Variants in DCLK1 observed in about 807,000 individuals in gnomAD.
DCLK1 encodes doublecortin like kinase 1, also known as serine/threonine-protein kinase DCLK1.
A neutral mutation model predicts 86.2 loss-of-function variants in DCLK1; 16 were observed. The observed-to-expected ratio is 0.19, with a 90% CI of 0.13 to 0.28. The LOEUF (loss-of-function observed/expected upper bound fraction) is 0.28. Among genes scored for constraint, DCLK1 ranks in the 10% least tolerant of loss-of-function variants. The pLI, the probability that DCLK1 is intolerant of heterozygous loss-of-function variation, is 1.00. For synonymous variants in DCLK1, 369 were observed against 370.5 expected (o/e 1.00, Z 0.05); for missense variants, 590 against 940.2 (o/e 0.63, Z 4.87).
chr13:35,935,009 G>A (rs558470591), intron 4 of DCLK1, among the ~76,000 whole-genome samples: 1 of 152,274 alleles, frequency 6.6e-6, no homozygotes, highest in Admixed American at 6.5e-5. Flanking sequence ...CAAGTAGATG[G>A]AGAAAGGCTT....
At chr13:35,872,920 A>G (rs1390077338) in intron 4 of DCLK1, among the ~76,000 whole-genome samples, 2 of 152,172 alleles carry the variant, frequency 1.3e-5, no homozygotes, top group Non-Finnish European at 2.9e-5. Flanking sequence ...ATATATTATA[A>G]TCATCTTTCT....
chr13:35,927,115 T>C (rs1876166637), intron 4 of DCLK1, among the ~76,000 whole-genome samples: 1 of 152,218 alleles, frequency 6.6e-6, no homozygotes, highest in African/African-American at 2.4e-5. Context: ...AACTAGAAAT[T>C]CCTTAAGGTT....
intron 3 of DCLK1, among the ~76,000 whole-genome samples, chr13:36,097,086 C>T (rs954490832): frequency 1.3e-5 from 2 of 152,166 alleles, no homozygotes; most frequent in African/African-American, 2.4e-5. Context: ...AGGCGATGAA[C>T]TTAGTGAATC....
intron 16 of DCLK1, among the ~76,000 whole-genome samples, chr13:35,785,139 G>C (rs1252945366): frequency 1.3e-5 from 2 of 152,104 alleles, no homozygotes; most frequent in Non-Finnish European, 2.9e-5. Flanking sequence ...CTTATGTCTT[G>C]TTTTGATATT....
chr13:36,009,776 C>G (rs903174838), intron 3 of DCLK1, among the ~76,000 whole-genome samples: 2 of 120,120 alleles, frequency 1.7e-5, no homozygotes, highest in African/African-American at 6.6e-5. Context: ...TCATTGGTAG[C>G]TTGATGGGGA....
rs866283778 is a variant in DCLK1, at chr13:35,918,067, T to C, written c.823+29291A>G. 2.7e-4 allele frequency among the ~76,000 whole-genome samples: 41 copies of C among 152,316 alleles called. 1 individual carries two copies. Among genetic ancestry groups the C allele is most frequent in the African/African-American group, 9.1e-4 (38 of 41,560 alleles). ...ACTGTTACAGTCAAATGGCAATGCT[T>C]ATTCTTAACAGGCATACTAAGATGT... On this transcript the variant is annotated intron_variant, in intron 4 of 16. Transcript: ENST00000360631.
At chr13:35,856,107 T>A (rs1004168408) in intron 5 of DCLK1, among the ~76,000 whole-genome samples, 1 of 152,338 alleles carries the variant, frequency 6.6e-6, no homozygotes, top group East Asian at 1.9e-4. Context: ...GCTGCATTAA[T>A]TTGTAGTTTT....
chr13:35,855,729 A>G, intron 5 of DCLK1: 1 of 1,375,860 alleles, frequency 7.3e-7, no homozygotes, highest in Non-Finnish European at 9.4e-7. Context: ...CAGCAGTGGG[A>G]GGTGCAGGTT....
intron 4 of DCLK1, among the ~76,000 whole-genome samples, chr13:35,925,251 C>T (rs1419370329): frequency 6.6e-6 from 1 of 152,196 alleles, no homozygotes; most frequent in African/African-American, 2.4e-5. Context: ...CCAAGTCTAC[C>T]TGCTACGGGC....
At chr13:35,808,698 G>C (rs2087081641) in intron 13 of DCLK1, among the ~76,000 whole-genome samples, 1 of 152,044 alleles carries the variant, frequency 6.6e-6, no homozygotes, top group East Asian at 1.9e-4. Flanking sequence ...CAGGAGAACT[G>C]CTTGAACTTG....
intron 3 of DCLK1, among the ~76,000 whole-genome samples, chr13:36,011,090 T>A (rs1474005246): frequency 1.2e-5 from 1 of 83,882 alleles, no homozygotes; most frequent in African/African-American, 4.5e-5. Flanking sequence ...TATCATTTTT[T>A]ATTGTGTCTA....
At chr13:35,946,475 C>T (rs1416466186) in intron 4 of DCLK1, among the ~76,000 whole-genome samples, 2 of 152,238 alleles carry the variant, frequency 1.3e-5, no homozygotes, top group Admixed American at 1.3e-4. Flanking sequence ...GACCACATCA[C>T]TTTTCCCATT....
intron 16 of DCLK1, 28 bp from the exon 17 acceptor site, chr13:35,774,727 G>A: frequency 6.2e-7 from 1 of 1,600,178 alleles, no homozygotes; most frequent in Non-Finnish European, 8.5e-7. Context: ...TGAGAAAGAG[G>A]ACAATTAGGG....
intron 4 of DCLK1, among the ~76,000 whole-genome samples, chr13:35,917,601 C>T (rs1274191781): frequency 6.6e-6 from 1 of 152,138 alleles, no homozygotes; most frequent in African/African-American, 2.4e-5. Flanking sequence ...TTGTGTGATC[C>T]AGTTTTCTTC....
rs561971513 is a variant in DCLK1 at position 35,943,936 on chromosome 13, G to C, written c.823+3422C>G. On this transcript the variant is annotated intron_variant, in intron 4 of 16. Transcript: ENST00000360631. ...GAAGGATCTGCTGGCCTCTCTGCTTGTCTCTATCTATAGTGCACTAGCCAC... is the reference window on the plus strand; with the variant it reads ...GAAGGATCTGCTGGCCTCTCTGCTTCTCTCTATCTATAGTGCACTAGCCAC... 1.5e-3 allele frequency among the ~76,000 whole-genome samples: 229 copies of C among 152,206 alleles called. 1 individual carries two copies. The highest frequency in any genetic ancestry group is 5.3e-3 in the African/African-American group (222 of 41,538).
chr13:36,121,482 A>C (rs184714930), intron 2 of DCLK1, among the ~76,000 whole-genome samples: 1 of 152,346 alleles, frequency 6.6e-6, no homozygotes, highest in Non-Finnish European at 1.5e-5. Context: ...GGGCAAGTAC[A>C]GTACAAAAGG....
At chr13:36,057,200 G>A (rs1883369436) in intron 3 of DCLK1, among the ~76,000 whole-genome samples, 1 of 152,108 alleles carries the variant, frequency 6.6e-6, no homozygotes, top group African/African-American at 2.4e-5. Context: ...TCAGTGATAT[G>A]TTCTCCAGAT....
intron 3 of DCLK1, among the ~76,000 whole-genome samples, chr13:36,052,989 C>T (rs1403010097): frequency 6.6e-6 from 1 of 152,126 alleles, no homozygotes; most frequent in Non-Finnish European, 1.5e-5. Context: ...GCAGTCACTA[C>T]CTTGGGAAGT....
intron 3 of DCLK1, among the ~76,000 whole-genome samples, chr13:36,022,043 G>A (rs112832881): frequency 0.013 from 2,008 of 151,980 alleles, 44 homozygotes; most frequent in African/African-American, 0.046. Context: ...AATAAACTTT[G>A]ATAAATATAA....
Sources: gnomAD v4.1 joint callset for allele counts (sites outside exome capture counted in the v4.1 genomes callset) on GRCh38, gnomAD v4.1.1 for gene constraint, MANE v1.5 for transcripts, NCBI Gene and HGNC (gene_info 2026-07-23, HGNC 2026-07-21) for gene names.